EXOC4: variants seen among roughly 807,000 people sequenced by gnomAD.
EXOC4 encodes SEC8-like 1.
A neutral mutation model predicts 107.2 loss-of-function variants in EXOC4; 71 were observed. The observed-to-expected ratio is 0.66, with a 90% CI of 0.55 to 0.81. EXOC4 has a LOEUF of 0.81. Ranked by LOEUF, EXOC4 falls within the 30% of genes least tolerant of loss-of-function variation. The pLI is 0.00. For missense variants in EXOC4, 1,108 were observed against 1,189.6 expected (o/e 0.93, Z 1.01); for synonymous variants, 456 against 441.2 (o/e 1.03, Z -0.42).
chr7:133,945,021 G>C (rs1312204194), intron 14 of EXOC4, among the ~76,000 whole-genome samples: 1 of 152,098 alleles, frequency 6.6e-6, no homozygotes, highest in South Asian at 2.1e-4. Flanking sequence ...AGTGGAACTC[G>C]CTTCCTGAGA....
intron 7 of EXOC4, among the ~76,000 whole-genome samples, chr7:133,406,578 C>G (rs1797226051): frequency 1.3e-5 from 2 of 152,042 alleles, no homozygotes; most frequent in Admixed American, 6.6e-5. Context: ...TTGCAATTTC[C>G]TTGCTATCTT....
At chr7:133,533,811 A>G (rs1349705112) in intron 9 of EXOC4, among the ~76,000 whole-genome samples, 2 of 152,090 alleles carry the variant, frequency 1.3e-5, no homozygotes, top group Non-Finnish European at 2.9e-5. Context: ...GAAAAGAGAA[A>G]TGTGTTACCT....
intron 5 of EXOC4, among the ~76,000 whole-genome samples, chr7:133,355,154 C>T (rs1354486180): frequency 6.6e-6 from 1 of 152,182 alleles, no homozygotes; most frequent in Non-Finnish European, 1.5e-5. Context: ...CAGTACCATT[C>T]TAGTAGTGCT....
intron 5 of EXOC4, among the ~76,000 whole-genome samples, chr7:133,355,939 A>G (rs907110128): frequency 6.6e-6 from 1 of 152,170 alleles, no homozygotes; most frequent in African/African-American, 2.4e-5. Flanking sequence ...ACTTTTAACT[A>G]ACAAATACAA....
chr7:133,418,665 TCA>T (rs1440186070), intron 7 of EXOC4, among the ~76,000 whole-genome samples: 1 of 152,204 alleles, frequency 6.6e-6, no homozygotes, highest in Non-Finnish European at 1.5e-5. Flanking sequence ...GCTGTAGCTG[TCA>T]CCCCTAGGGT....
At chr7:133,839,908 G>A (rs1797990156) in intron 11 of EXOC4, among the ~76,000 whole-genome samples, 1 of 152,126 alleles carries the variant, frequency 6.6e-6, no homozygotes, top group African/African-American at 2.4e-5. Flanking sequence ...CAGAGGTGAA[G>A]GAGACCTGAG....
chr7:133,496,553 T>A (rs908693035), intron 9 of EXOC4, among the ~76,000 whole-genome samples: 18 of 152,240 alleles, frequency 1.2e-4, no homozygotes, highest in African/African-American at 3.4e-4. Context: ...CAGAATTCTT[T>A]AGCGGCTTTT....
At chr7:133,825,553 T>A (rs937368051) in intron 11 of EXOC4, among the ~76,000 whole-genome samples, 1 of 152,204 alleles carries the variant, frequency 6.6e-6, no homozygotes, top group Non-Finnish European at 1.5e-5. Flanking sequence ...ATTATACTGC[T>A]GCCCAAACCT....
intron 10 of EXOC4, among the ~76,000 whole-genome samples, chr7:133,731,704 A>G (rs1489419421): frequency 1.3e-5 from 2 of 152,176 alleles, no homozygotes; most frequent in Non-Finnish European, 2.9e-5. Context: ...TAGTTGCCTC[A>G]GCTATAGAAT....
intron 1 of EXOC4, chr7:133,253,698 T>C (rs759190614): frequency 4.2e-5 from 8 of 189,138 alleles, no homozygotes; most frequent in African/African-American, 1.7e-4. Flanking sequence ...GAATCTGCAG[T>C]GAGCTGGTAG....
chr7:133,784,172 TTTTC>T (rs907389765), intron 10 of EXOC4, among the ~76,000 whole-genome samples: 26 of 152,170 alleles, frequency 1.7e-4, no homozygotes, highest in African/African-American at 6.3e-4. Context: ...TCATATTTTT[TTTTC>T]TTTATCATCA....
At chr7:133,493,287 A>G (rs1799410298) in intron 9 of EXOC4, among the ~76,000 whole-genome samples, 1 of 152,146 alleles carries the variant, frequency 6.6e-6, no homozygotes, top group Non-Finnish European at 1.5e-5. Context: ...CTACTAAAAA[A>G]TTAGCTGGAC....
At chr7:134,046,899 G>A (rs1795667194) in intron 17 of EXOC4, among the ~76,000 whole-genome samples, 1 of 152,096 alleles carries the variant, frequency 6.6e-6, no homozygotes, top group Admixed American at 6.5e-5. Context: ...GGACAACTGG[G>A]GGCAAATGTT....
intron 13 of EXOC4, among the ~76,000 whole-genome samples, chr7:133,931,246 A>G (rs1800168666): frequency 6.6e-6 from 1 of 152,194 alleles, no homozygotes; most frequent in Non-Finnish European, 1.5e-5. Context: ...TTATTGTTCT[A>G]GAATTTAAGT....
chr7:133,639,908 C>CTGG (rs919197585), intron 10 of EXOC4, among the ~76,000 whole-genome samples: 111 of 151,884 alleles, frequency 7.3e-4, no homozygotes, highest in African/African-American at 2.6e-3. Flanking sequence ...AAAACTAACA[C>CTGG]TAACAAGTTT....
chr7:133,525,978 T>C (rs1185085243), intron 9 of EXOC4, among the ~76,000 whole-genome samples: 1 of 152,148 alleles, frequency 6.6e-6, no homozygotes, highest in East Asian at 1.9e-4. Context: ...GATTACTATT[T>C]CTCCTGAGCC....
chr7:133,798,004 T>C lies in EXOC4; in HGVS notation c.1515-19321T>C, dbSNP rs564564529. 8.5e-5 allele frequency among the ~76,000 whole-genome samples: 13 copies of C among 152,244 alleles called. No homozygotes were observed. The South Asian group carries it at 2.5e-3, about 29-fold the overall frequency. On this transcript the variant is annotated intron_variant, in intron 10 of 17. Coordinates refer to ENST00000253861, the MANE Select transcript of EXOC4 (RefSeq NM_021807.4). ...ATGGAGAATGATCTTAAGAAGGTGA[T>C]GTATGTGCTGGCACCCTACTGAAGT... is the stretch of plus-strand genomic sequence containing the variant.
At chr7:133,344,355 C>T (rs968971449) in intron 5 of EXOC4, among the ~76,000 whole-genome samples, 1 of 152,072 alleles carries the variant, frequency 6.6e-6, no homozygotes, top group Non-Finnish European at 1.5e-5. Context: ...GTTGGATATT[C>T]TGTCTTTTTA....
downstream of EXOC4, among the ~76,000 whole-genome samples, chr7:134,071,511 G>A (rs1049708545): frequency 1.3e-5 from 2 of 152,184 alleles, no homozygotes; most frequent in African/African-American, 2.4e-5. Flanking sequence ...GAGGTGACAG[G>A]TGACCACAGA....
Sources: gnomAD v4.1 joint callset for allele counts (sites outside exome capture counted in the v4.1 genomes callset) on GRCh38, gnomAD v4.1.1 for gene constraint, MANE v1.5 for transcripts, NCBI Gene and HGNC (gene_info 2026-07-23, HGNC 2026-07-21) for gene names.